The following MSRA variants were observed in gnomAD, a reference collection of about 807,000 sequenced individuals.
The protein encoded by MSRA is mitochondrial peptide methionine sulfoxide reductase.
Under a neutral mutation model 31.3 loss-of-function variants are expected in MSRA, and 54 were observed. The observed-to-expected ratio is 1.73, with a 90% CI of 1.39 to 2.17. The LOEUF (loss-of-function observed/expected upper bound fraction) is 2.17. Among genes scored for constraint, MSRA ranks in the 30% most tolerant of loss-of-function variants. The probability of loss-of-function intolerance (pLI) is 0.00; values close to 1 mark genes in which losing one functional copy is unlikely to be tolerated. For missense variants in MSRA, 507 were observed against 300.9 expected, an observed-to-expected ratio of 1.69 and a Z score of -5.07; for synonymous variants, 169 against 116.5, an observed-to-expected ratio of 1.45 and a Z score of -2.90.
At chr8:10,334,963 C>T (rs532991595) in intron 5 of MSRA, among the ~76,000 whole-genome samples, 16 of 152,328 alleles carry the variant, frequency 1.1e-4, no homozygotes, top group Admixed American at 9.1e-4. Flanking sequence ...GCGCGGCGAG[C>T]CCGCCCATTG....
intron 3 of MSRA, among the ~76,000 whole-genome samples, chr8:10,275,804 A>T (rs1799289799): frequency 1.3e-5 from 2 of 152,224 alleles, no homozygotes; most frequent in Admixed American, 6.5e-5. Flanking sequence ...CCCAGAGATT[A>T]ACATGGATTC....
At chr8:10,244,511 G>A (rs185549141) in intron 2 of MSRA, among the ~76,000 whole-genome samples, 73 of 152,084 alleles carry the variant, frequency 4.8e-4, no homozygotes, top group Admixed American at 5.9e-4. Context: ...CTTCTCCTGC[G>A]TTCATTATAT....
At chr8:10,339,724 G>A (rs1174899880) in intron 5 of MSRA, among the ~76,000 whole-genome samples, 17 of 151,052 alleles carry the variant, frequency 1.1e-4, no homozygotes, top group Admixed American at 1.1e-3. Flanking sequence ...TGTATTTTTA[G>A]TAGAGATGGG....
intron 5 of MSRA, among the ~76,000 whole-genome samples, chr8:10,329,706 G>A (rs755384475): frequency 9.2e-5 from 14 of 151,806 alleles, no homozygotes; most frequent in Non-Finnish European, 1.6e-4. Context: ...GCTCTTCCTC[G>A]GGCTGCTTAG....
intron 3 of MSRA, among the ~76,000 whole-genome samples, chr8:10,291,380 T>C (rs1800226454): frequency 6.6e-6 from 1 of 150,540 alleles, no homozygotes; most frequent in Admixed American, 6.6e-5. Context: ...AAAGCTTATG[T>C]TTCTCGTCGG....
chr8:10,360,054 C>T (rs905712684), intron 5 of MSRA, among the ~76,000 whole-genome samples: 2 of 152,182 alleles, frequency 1.3e-5, no homozygotes, highest in East Asian at 1.9e-4. Context: ...TGGACATGTT[C>T]ATTGAGAGTC....
intron 1 of MSRA, among the ~76,000 whole-genome samples, chr8:10,073,517 C>T (rs1170272745): frequency 3.9e-5 from 6 of 151,990 alleles, no homozygotes; most frequent in Non-Finnish European, 8.8e-5. Flanking sequence ...CTGAATCTTA[C>T]TATAGTTTCA....
At chr8:10,271,715 AGT>A (rs1799048401) in intron 3 of MSRA, among the ~76,000 whole-genome samples, 1 of 120,998 alleles carries the variant, frequency 8.3e-6, no homozygotes, top group Non-Finnish European at 1.7e-5. Context: ...TTCCATGGGT[AGT>A]CTTTTTTTTT....
At chr8:10,115,954 A>G (rs1022536008) in intron 1 of MSRA, among the ~76,000 whole-genome samples, 2 of 152,232 alleles carry the variant, frequency 1.3e-5, no homozygotes, top group African/African-American at 2.4e-5. Flanking sequence ...TAGGGCCAGA[A>G]TAGTTGCCGT....
chr8:10,347,226 A>G (rs1021939481), intron 5 of MSRA, among the ~76,000 whole-genome samples: 1 of 152,172 alleles, frequency 6.6e-6, no homozygotes, highest in Non-Finnish European at 1.5e-5. Context: ...CAGTCAGCTT[A>G]TAGTAAATAC....
At chr8:10,074,412 T>C (rs996818698) in intron 1 of MSRA, among the ~76,000 whole-genome samples, 3 of 152,046 alleles carry the variant, frequency 2.0e-5, no homozygotes, top group East Asian at 3.9e-4. Flanking sequence ...TGTTTAGCTT[T>C]GAAAAGTTTG....
intron 1 of MSRA, among the ~76,000 whole-genome samples, chr8:10,152,613 A>C (rs367732057): frequency 1.5e-4 from 23 of 152,300 alleles, no homozygotes; most frequent in East Asian, 1.2e-3. Context: ...GATTCTGTGG[A>C]TCTCTTGCTC....
Position 10,266,958 on chromosome 8 carries a change from G to A in MSRA, c.331+21735G>A, listed in dbSNP as rs141917504. The stretch of plus-strand genomic sequence containing the variant: ...AGTTTTCATAATACATTTAATGAAA[G>A]AATAATAAGGTCATTAAGGGCAATC... On this transcript the variant is annotated intron_variant, in intron 3 of 5. Transcript: ENST00000317173. Among the ~76,000 whole-genome samples the A allele has an allele frequency of 2.6e-3, 403 of 152,274 alleles. 1 individual carries two copies. The highest frequency in any genetic ancestry group is 5.9e-3 in the Admixed American group (90 of 15,296).
intron 3 of MSRA, among the ~76,000 whole-genome samples, chr8:10,279,415 T>G (rs1269583102): frequency 6.6e-6 from 1 of 152,170 alleles, no homozygotes; most frequent in Non-Finnish European, 1.5e-5. Flanking sequence ...CAACTCAACT[T>G]TGTCTAAGAG....
chr8:10,168,701 G>C (rs1805352572), intron 1 of MSRA, among the ~76,000 whole-genome samples: 1 of 152,288 alleles, frequency 6.6e-6, no homozygotes, highest in African/African-American at 2.4e-5. Flanking sequence ...CCACACTTCT[G>C]TTTTCAGAAG....
chr8:10,410,912 G>C (rs1808116370), intron 5 of MSRA, among the ~76,000 whole-genome samples: 1 of 152,124 alleles, frequency 6.6e-6, no homozygotes, highest in Admixed American at 6.5e-5. Context: ...TGACAAAAAG[G>C]AAAATTATGC....
At chr8:10,345,151 T>C (rs2129153886) in intron 5 of MSRA, among the ~76,000 whole-genome samples, 1 of 152,334 alleles carries the variant, frequency 6.6e-6, no homozygotes, top group South Asian at 2.1e-4. Context: ...AAGCCTCTGC[T>C]TCCTATGCTG....
chr8:10,283,802 C>CATATATAT (rs375322603), intron 3 of MSRA, among the ~76,000 whole-genome samples: 844 of 45,752 alleles, frequency 0.018, 6 homozygotes, highest in East Asian at 0.03. Flanking sequence ...TATTCTATCT[C>CATATATAT]ATATATATAT....
chr8:10,168,122 T>C (rs1271077697), intron 1 of MSRA, among the ~76,000 whole-genome samples: 1 of 152,204 alleles, frequency 6.6e-6, no homozygotes, highest in Non-Finnish European at 1.5e-5. Flanking sequence ...GCCTTAGTTT[T>C]CCTATCTGTA....
Sources: gnomAD v4.1 joint callset for allele counts (sites outside exome capture counted in the v4.1 genomes callset) on GRCh38, gnomAD v4.1.1 for gene constraint, MANE v1.5 for transcripts, NCBI Gene and HGNC (gene_info 2026-07-23, HGNC 2026-07-21) for gene names.